The following CALN1 variants were observed in gnomAD, a reference collection of about 807,000 sequenced individuals.
The protein encoded by CALN1 is calcium-binding protein 8.
CALN1 carries 17 observed loss-of-function variants against 30.6 expected under a neutral mutation model. The ratio of observed to expected loss-of-function variants is 0.56; its 90% CI spans 0.38 to 0.83. The LOEUF is 0.83. Ranked by LOEUF, CALN1 falls within the 40% of genes least tolerant of loss-of-function variation. The pLI, the probability that CALN1 is intolerant of heterozygous loss-of-function variation, is 0.00. For missense variants in CALN1, 291 were observed against 354.9 expected, an observed-to-expected ratio of 0.82 and a Z score of 1.45; for synonymous variants, 156 against 131.4, an observed-to-expected ratio of 1.19 and a Z score of -1.28.
At chr7:72,073,502 A>C (rs1323168063) in intron 4 of CALN1, among the ~76,000 whole-genome samples, 1 of 152,188 alleles carries the variant, frequency 6.6e-6, no homozygotes, top group East Asian at 1.9e-4. Flanking sequence ...TGGCTTCAAA[A>C]ACCTACAATT....
chr7:71,932,518 A>G (rs1044514148), intron 5 of CALN1, among the ~76,000 whole-genome samples: 20 of 152,136 alleles, frequency 1.3e-4, no homozygotes, highest in Admixed American at 1.2e-3. Context: ...CAACTTGACT[A>G]TAAGAAGTAT....
the CALN1 span, among the ~76,000 whole-genome samples, chr7:72,453,847 A>G: frequency 2.6e-5 from 4 of 152,178 alleles, no homozygotes; most frequent in Non-Finnish European, 5.9e-5. Flanking sequence ...TATAAGAGAG[A>G]GTGAAGTTTT....
intron 6 of CALN1, among the ~76,000 whole-genome samples, chr7:71,799,324 G>T (rs1787160214): frequency 6.6e-6 from 1 of 152,100 alleles, no homozygotes; most frequent in South Asian, 2.1e-4. Flanking sequence ...GGGCATGCTG[G>T]GGAAGGATTT....
chr7:72,287,431 A>G (rs1468907269), intron 2 of CALN1, among the ~76,000 whole-genome samples: 1 of 144,856 alleles, frequency 6.9e-6, no homozygotes, highest in Non-Finnish European at 1.5e-5. Context: ...CATACACCAA[A>G]TTAATTTTTT....
At chr7:72,367,109 TA>T (rs34304187) in intron 2 of CALN1, among the ~76,000 whole-genome samples, 54,825 of 151,262 alleles carry the variant, frequency 0.36, 10,675 homozygotes, top group Middle Eastern at 0.53. Context: ...ATTTTAATAA[TA>T]AAAAAAAACA....
At chr7:72,082,053 C>T (rs954080976) in intron 4 of CALN1, among the ~76,000 whole-genome samples, 23 of 151,970 alleles carry the variant, frequency 1.5e-4, no homozygotes, top group African/African-American at 5.3e-4. Flanking sequence ...GTGGTGCAGT[C>T]TCGGCTCACT....
At chr7:72,403,549 G>A (rs142480726) in intron 1 of CALN1, 107 bp from the exon 2 acceptor site, 9 of 496,898 alleles carry the variant, frequency 1.8e-5, no homozygotes, top group East Asian at 1.2e-4. Flanking sequence ...GTTTACACAG[G>A]ACAATGGTAG....
At chr7:72,413,871 C>T (rs1185693161), upstream of CALN1, among the ~76,000 whole-genome samples, 5 of 151,864 alleles carry the variant, frequency 3.3e-5, no homozygotes, top group Admixed American at 6.6e-5. Flanking sequence ...CTCGTATACA[C>T]ATGCACACAC....
chr7:71,934,399 G>C (rs1795722035), intron 5 of CALN1, among the ~76,000 whole-genome samples: 1 of 152,114 alleles, frequency 6.6e-6, no homozygotes, highest in African/African-American at 2.4e-5. Flanking sequence ...AATTTATAAA[G>C]AAAAGAGGTT....
chr7:71,878,476 G>A (rs1462886631), intron 5 of CALN1, among the ~76,000 whole-genome samples: 1 of 152,092 alleles, frequency 6.6e-6, no homozygotes. Flanking sequence ...TGGGCCCTAT[G>A]AGACAGCTGG....
intron 3 of CALN1, among the ~76,000 whole-genome samples, chr7:72,163,703 T>G (rs1233264941): frequency 6.6e-6 from 1 of 152,046 alleles, no homozygotes; most frequent in Non-Finnish European, 1.5e-5. Context: ...TCAACGAATT[T>G]GAAGACAGAT....
intron 5 of CALN1, among the ~76,000 whole-genome samples, chr7:71,983,461 G>A (rs1414858528): frequency 6.6e-6 from 1 of 152,150 alleles, no homozygotes; most frequent in South Asian, 2.1e-4. Context: ...CCACATATGT[G>A]CACACACATA....
intron 3 of CALN1, among the ~76,000 whole-genome samples, chr7:72,191,552 C>CA (rs55780039): frequency 0.12 from 8,337 of 72,132 alleles, 1,785 homozygotes; most frequent in African/African-American, 0.29. Flanking sequence ...GACTCCGTCT[C>CA]AAAAAAAAAA....
chr7:71,971,710 C>T (rs980159928), intron 5 of CALN1, among the ~76,000 whole-genome samples: 2 of 151,448 alleles, frequency 1.3e-5, no homozygotes, highest in African/African-American at 4.9e-5. Context: ...ACAGCCCGGG[C>T]AACATGGTAA....
intron 3 of CALN1, among the ~76,000 whole-genome samples, chr7:72,151,869 A>C (rs1353483852): frequency 3.4e-5 from 5 of 148,510 alleles, no homozygotes; most frequent in Non-Finnish European, 7.4e-5. Flanking sequence ...ATATCACCAC[A>C]CCTGGCTATT....
intron 2 of CALN1, among the ~76,000 whole-genome samples, chr7:72,383,369 C>G (rs138505029): frequency 1.3e-5 from 2 of 152,334 alleles, no homozygotes; most frequent in Non-Finnish European, 2.9e-5. Flanking sequence ...AACTAACTTG[C>G]ATTCCCACCA....
At chr7:71,826,669 A>C (rs1475369206) in intron 5 of CALN1, among the ~76,000 whole-genome samples, 1 of 152,148 alleles carries the variant, frequency 6.6e-6, no homozygotes, top group Non-Finnish European at 1.5e-5. Context: ...CCTGCCCGGC[A>C]TCAGATGAAG....
chr7:71,939,023 C>G (rs6460696), intron 5 of CALN1, among the ~76,000 whole-genome samples: 72,725 of 151,718 alleles, frequency 0.48, 17,856 homozygotes, highest in East Asian at 0.73. Context: ...AAAATGGAGT[C>G]CTGGAAGAAA....
intron 5 of CALN1, among the ~76,000 whole-genome samples, chr7:71,832,472 T>C (rs1172527381): frequency 6.6e-6 from 1 of 152,252 alleles, no homozygotes; most frequent in Non-Finnish European, 1.5e-5. Context: ...ATGCAGGGAC[T>C]GTGACTTTTG....
Sources: allele counts gnomAD v4.1 joint callset (sites outside exome capture counted in the v4.1 genomes callset), GRCh38; gene constraint gnomAD v4.1.1; transcripts MANE v1.5; gene names NCBI Gene and HGNC (gene_info 2026-07-23, HGNC 2026-07-21).